The following CYRIA variants were observed in gnomAD, a reference collection of about 807,000 sequenced individuals.
The protein encoded by CYRIA is CYFIP related Rac1 interactor A, also known as CYFIP-related Rac1 interactor A.
A neutral mutation model predicts 43.9 loss-of-function variants in CYRIA; 15 were observed. The ratio of observed to expected loss-of-function variants is 0.34; its 90% confidence interval spans 0.23 to 0.53. The LOEUF (loss-of-function observed/expected upper bound fraction) is 0.53. CYRIA is among the 20% of genes least tolerant of loss of function. The pLI is 0.94. For synonymous variants in CYRIA, 117 were observed against 136.0 expected (o/e 0.86, Z 0.97); for missense variants, 236 against 394.2 (o/e 0.60, Z 3.40).
At chr2:16,651,581 C>T (rs1038591163) in intron 1 of CYRIA, among the ~76,000 whole-genome samples, 2 of 152,180 alleles carry the variant, frequency 1.3e-5, no homozygotes, top group South Asian at 2.1e-4. Flanking sequence ...ATGTGAGTCA[C>T]GCCCTGCAAT....
At chr2:16,579,959 T>C (rs990493500) in intron 3 of CYRIA, among the ~76,000 whole-genome samples, 2 of 152,038 alleles carry the variant, frequency 1.3e-5, no homozygotes, top group Admixed American at 1.3e-4. Context: ...GAAGTTTTTT[T>C]TTTTTTGAGA....
At chr2:16,658,977 T>C (rs1670182222) in intron 1 of CYRIA, among the ~76,000 whole-genome samples, 1 of 152,212 alleles carries the variant, frequency 6.6e-6, no homozygotes, top group Admixed American at 6.5e-5. Flanking sequence ...AACAAGGCCA[T>C]ATACTGCACT....
intron 1 of CYRIA, among the ~76,000 whole-genome samples, chr2:16,657,645 C>A (rs1046910776): frequency 2.0e-5 from 3 of 152,190 alleles, no homozygotes; most frequent in Non-Finnish European, 2.9e-5. Context: ...CTTGTGTCAT[C>A]TGGACTTTGC....
chr2:16,570,300 T>C (rs947716169), intron 3 of CYRIA, among the ~76,000 whole-genome samples: 6 of 152,162 alleles, frequency 3.9e-5, no homozygotes, highest in African/African-American at 1.4e-4. Context: ...GGTATTTACC[T>C]ACAGTCAAAT....
At chr2:16,626,996 G>A (rs999176347) in intron 1 of CYRIA, among the ~76,000 whole-genome samples, 3 of 151,540 alleles carry the variant, frequency 2.0e-5, no homozygotes, top group African/African-American at 7.4e-5. Flanking sequence ...TGGAGAAGCC[G>A]AAATCAGAGA....
intron 1 of CYRIA, among the ~76,000 whole-genome samples, chr2:16,649,220 G>GATATATATAT (rs1669900595): frequency 6.6e-6 from 1 of 152,188 alleles, no homozygotes; most frequent in Non-Finnish European, 1.5e-5. Flanking sequence ...TAGGTTATAT[G>GATATATATAT]CAAATACTAT....
chr2:16,564,760 G>C (rs1666869226), intron 4 of CYRIA, among the ~76,000 whole-genome samples: 1 of 152,182 alleles, frequency 6.6e-6, no homozygotes, highest in Admixed American at 6.5e-5. Flanking sequence ...AAAAGAGTGT[G>C]AAGTTTCTTG....
chr2:16,572,677 T>C (rs1667177770), intron 3 of CYRIA, among the ~76,000 whole-genome samples: 1 of 152,190 alleles, frequency 6.6e-6, no homozygotes, highest in Non-Finnish European at 1.5e-5. Context: ...CAGAGTATTT[T>C]TAAGAGTACA....
chr2:16,575,610 C>T (rs1003359846), intron 3 of CYRIA, among the ~76,000 whole-genome samples: 5 of 152,078 alleles, frequency 3.3e-5, no homozygotes, highest in African/African-American at 7.2e-5. Context: ...AATCCCAGCA[C>T]TTTGGGAGGC....
chr2:16,629,104 CCAGCACGGGAATA>C (rs68159815), intron 1 of CYRIA, among the ~76,000 whole-genome samples: 18,860 of 151,988 alleles, frequency 0.12, 1,764 homozygotes, highest in East Asian at 0.49. Context: ...AGATGGGAAA[CCAGCACGGGAATA>C]CAGCTGCCAC....
intron 10 of CYRIA, 53 bp downstream of exon 10, chr2:16,559,407 T>C: frequency 6.3e-7 from 1 of 1,586,454 alleles, no homozygotes. Context: ...AAACAAGGTC[T>C]GGCAACATTC....
intron 3 of CYRIA, among the ~76,000 whole-genome samples, chr2:16,585,663 A>C (rs1667702896): frequency 6.6e-6 from 1 of 152,156 alleles, no homozygotes; most frequent in Non-Finnish European, 1.5e-5. Context: ...AACTATCATC[A>C]AAATTTGAGA....
intron 2 of CYRIA, among the ~76,000 whole-genome samples, chr2:16,617,652 T>C (rs1668850500): frequency 6.6e-6 from 1 of 152,232 alleles, no homozygotes; most frequent in Non-Finnish European, 1.5e-5. Context: ...CTGTTGTCTG[T>C]TGAGGGCTGA....
intron 1 of CYRIA, among the ~76,000 whole-genome samples, chr2:16,634,458 C>T: frequency 6.6e-6 from 1 of 152,368 alleles, no homozygotes; most frequent in Admixed American, 6.5e-5. Context: ...GGACCCCCTT[C>T]TGGGGAACTT....
At chr2:16,659,499 C>T (rs559799261) in intron 1 of CYRIA, among the ~76,000 whole-genome samples, 1 of 152,340 alleles carries the variant, frequency 6.6e-6, no homozygotes, top group Admixed American at 6.5e-5. Context: ...GAACACAAGA[C>T]TCAGGAGATC....
intron 1 of CYRIA, among the ~76,000 whole-genome samples, chr2:16,633,922 A>G (rs973156803): frequency 6.6e-6 from 1 of 151,962 alleles, no homozygotes; most frequent in Non-Finnish European, 1.5e-5. Context: ...GTGTTTCCCA[A>G]GGTTATATAA....
intron 1 of CYRIA, among the ~76,000 whole-genome samples, chr2:16,643,983 C>A (rs969184018): frequency 2.0e-5 from 3 of 152,230 alleles, no homozygotes; most frequent in Admixed American, 1.3e-4. Context: ...CATCTACCTG[C>A]AGGCCTCGGC....
At chr2:16,651,404 A>G (rs1669973237) in intron 1 of CYRIA, among the ~76,000 whole-genome samples, 1 of 152,244 alleles carries the variant, frequency 6.6e-6, no homozygotes, top group Non-Finnish European at 1.5e-5. Context: ...GCCAAATACT[A>G]ATATAAAATC....
intron 9 of CYRIA, 32 bp from the exon 10 acceptor site, chr2:16,559,618 T>C: frequency 6.2e-7 from 1 of 1,605,780 alleles, no homozygotes; most frequent in Non-Finnish European, 8.5e-7. Context: ...TGGCGTCACT[T>C]CCTTGTCAGA....
Sources: allele counts gnomAD v4.1 joint callset (sites outside exome capture counted in the v4.1 genomes callset), GRCh38; gene constraint gnomAD v4.1.1; transcripts MANE v1.5; gene names NCBI Gene and HGNC (gene_info 2026-07-23, HGNC 2026-07-21).